Variants in ABHD2 observed in about 807,000 individuals in gnomAD.
The protein encoded by ABHD2 is monoacylglycerol lipase ABHD2.
ABHD2 carries 20 observed loss-of-function variants against 48.1 expected under a neutral mutation model. The observed-to-expected ratio is 0.42, with a 90% confidence interval of 0.29 to 0.60. The LOEUF is 0.60. ABHD2 is among the 20% of genes least tolerant of loss of function. ABHD2 has a pLI of 0.24. For missense variants in ABHD2, 405 were observed against 550.9 expected, an observed-to-expected ratio of 0.74 and a Z score of 2.65; for synonymous variants, 209 against 214.2, an observed-to-expected ratio of 0.98 and a Z score of 0.21.
chr15:89,109,417 C>T (rs577139646), intron 1 of ABHD2, among the ~76,000 whole-genome samples: 5 of 152,250 alleles, frequency 3.3e-5, no homozygotes, highest in Admixed American at 2.6e-4. Flanking sequence ...GAAGGGATTG[C>T]CACAGGGACA....
the ABHD2 span, among the ~76,000 whole-genome samples, chr15:89,042,880 C>G: frequency 6.6e-6 from 1 of 151,904 alleles, no homozygotes; most frequent in Non-Finnish European, 1.5e-5. Flanking sequence ...GTTGGCCAGG[C>G]TGGCCTCAAG....
At chr15:89,145,228 C>A (rs2050471369) in intron 3 of ABHD2, among the ~76,000 whole-genome samples, 1 of 152,224 alleles carries the variant, frequency 6.6e-6, no homozygotes, top group Non-Finnish European at 1.5e-5. Context: ...TGCACTCCAG[C>A]CTGGGCTACA....
Position 89,176,133 on chromosome 15 carries a change from C to T in ABHD2, c.722+138C>T, listed in dbSNP as rs2051009462. On this transcript the variant is annotated intron_variant, in intron 6 of 10. Transcript: ENST00000352732. This position sits in a 1 kb window ranked among gnomAD's most constrained non-coding sequence, Gnocchi z 4.5. ...TAGAAGTTTCTGAGTCTTGGACTCA[C>T]CTTGTTTTGTCTGCATATCATACAT... 2.1e-6 allele frequency: 2 copies of T among 938,586 alleles called. No individual in the cohort carries two copies. Among genetic ancestry groups the T allele is most frequent in the South Asian group, 2.0e-5 (1 of 48,880 alleles). The allele number at this position is 938,586 out of a possible 1,614,324, so 58.1% of individuals were successfully genotyped here. A position where few individuals can be genotyped will look rare whatever the true frequency, so the allele number is the denominator to read the frequency against.
At chr15:89,076,462 T>C in the ABHD2 span, among the ~76,000 whole-genome samples, 8 of 152,150 alleles carry the variant, frequency 5.3e-5, no homozygotes, top group Non-Finnish European at 7.4e-5. Context: ...TATTGTCTTT[T>C]ACAGTTTAAT....
At chr15:89,062,781 T>C in the ABHD2 span, among the ~76,000 whole-genome samples, 1 of 152,154 alleles carries the variant, frequency 6.6e-6, no homozygotes, top group Non-Finnish European at 1.5e-5. Flanking sequence ...TTTCAGAAGC[T>C]GTTCGATTAT....
At chr15:89,172,256 C>A (rs1353954542) in intron 5 of ABHD2, among the ~76,000 whole-genome samples, 3 of 152,110 alleles carry the variant, frequency 2.0e-5, no homozygotes, top group African/African-American at 7.2e-5. Flanking sequence ...TTTCATCTTG[C>A]AAAACTAAAA....
chr15:89,060,343 G>A, the ABHD2 span, among the ~76,000 whole-genome samples: 1 of 151,352 alleles, frequency 6.6e-6, no homozygotes, highest in African/African-American at 2.4e-5. Context: ...CACCCACCTC[G>A]GCCTCCTAAA....
At chr15:89,159,999 C>A (rs2050737890) in intron 5 of ABHD2, among the ~76,000 whole-genome samples, 1 of 152,134 alleles carries the variant, frequency 6.6e-6, no homozygotes, top group Non-Finnish European at 1.5e-5. Flanking sequence ...TTAAAAAGGT[C>A]AGAAATCCAG....
chr15:89,052,532 CAG>C, the ABHD2 span, among the ~76,000 whole-genome samples: 1 of 43,968 alleles, frequency 2.3e-5, no homozygotes, highest in African/African-American at 4.6e-5. Context: ...GACAGACAGA[CAG>C]ACAGACAGAC....
At position 89,161,518 on chromosome 15, in the gene ABHD2, A is replaced by G. The variant is rs763120779; in HGVS notation, c.538+5984A>G. 3.7e-4 allele frequency among the ~76,000 whole-genome samples: 57 copies of G among 152,136 alleles called. 2 individuals are homozygous for G. Among genetic ancestry groups the G allele is most frequent in the Non-Finnish European group, 7.4e-5 (5 of 68,016 alleles). ...CAGGTTCAAGTGATTCTCCTGCCTC[A>G]GCCTCCCTAGTAGCTGGGATTATAA... On this transcript the variant is annotated intron_variant, in intron 5 of 10. Coordinates refer to ENST00000352732, the MANE Select transcript of ABHD2 (RefSeq NM_152924.5).
chr15:89,059,554 A>G, the ABHD2 span, among the ~76,000 whole-genome samples: 4 of 147,962 alleles, frequency 2.7e-5, no homozygotes, highest in Non-Finnish European at 6.1e-5. Context: ...ATGAAAGGGG[A>G]AAAAAACCTC....
the ABHD2 span, among the ~76,000 whole-genome samples, chr15:89,080,008 G>T: frequency 6.6e-6 from 1 of 152,292 alleles, no homozygotes; most frequent in East Asian, 1.9e-4. Context: ...CAATCATAGG[G>T]CAGAAACTCC....
At chr15:89,077,307 G>A in the ABHD2 span, among the ~76,000 whole-genome samples, 4 of 152,152 alleles carry the variant, frequency 2.6e-5, no homozygotes, top group Non-Finnish European at 4.4e-5. Flanking sequence ...CATGCTTATC[G>A]TAATGATTTG....
intron 3 of ABHD2, among the ~76,000 whole-genome samples, chr15:89,132,431 T>C (rs1045519710): frequency 2.0e-5 from 3 of 152,242 alleles, no homozygotes; most frequent in Admixed American, 6.5e-5. Flanking sequence ...TCTATAAAAA[T>C]AGAGAATAAG....
At chr15:89,070,390 C>A in the ABHD2 span, among the ~76,000 whole-genome samples, 11 of 152,294 alleles carry the variant, frequency 7.2e-5, no homozygotes, top group African/African-American at 2.6e-4. Context: ...CACAAGCTAC[C>A]GTAGTATCCC....
intron 3 of ABHD2, among the ~76,000 whole-genome samples, chr15:89,141,132 CTAAT>C (rs535482186): frequency 1.1e-4 from 17 of 151,882 alleles, no homozygotes; most frequent in Admixed American, 2.6e-4. Flanking sequence ...CCACACCCAG[CTAAT>C]TAATTAATTA....
chr15:89,043,596 G>T, the ABHD2 span, among the ~76,000 whole-genome samples: 1 of 145,670 alleles, frequency 6.9e-6, no homozygotes, highest in East Asian at 2.1e-4. Flanking sequence ...GAAGAAGGAG[G>T]AGGAGAGGAG....
Position 89,201,835 on chromosome 15 carries a change from C to G in ABHD2, c.*6412C>G. The G allele has an allele frequency of 9.1e-7, 1 of 1,103,102 alleles. No individual in the cohort carries two copies. The highest frequency in any genetic ancestry group is 1.3e-6 in the Non-Finnish European group (1 of 752,054). The allele number at this position is 1,103,102 out of a possible 1,614,324, so 68.3% of individuals were successfully genotyped here. On this transcript the variant is annotated 3_prime_UTR_variant, in exon 11 of 11. Coordinates refer to ENST00000352732, the MANE Select transcript of ABHD2 (RefSeq NM_152924.5). ...ACAGCGCAGAGCAGGGGGCGGCTTGCTCGCTGGGGGCGGGGGACGATGGCG... is the reference window on the plus strand; with the variant it reads ...ACAGCGCAGAGCAGGGGGCGGCTTGGTCGCTGGGGGCGGGGGACGATGGCG...
At chr15:89,042,587 C>CTTATTTATTTATTTAT in the ABHD2 span, among the ~76,000 whole-genome samples, 4 of 142,010 alleles carry the variant, frequency 2.8e-5, no homozygotes, top group East Asian at 4.2e-4. Flanking sequence ...TTCTTTCTTT[C>CTTATTTATTTATTTAT]TTATTTATTT....
Sources: gnomAD v4.1 joint callset for allele counts (sites outside exome capture counted in the v4.1 genomes callset) on GRCh38, gnomAD v4.1.1 for gene constraint, Gnocchi (gnomAD v3.1) non-coding constraint, MANE v1.5 for transcripts, NCBI Gene and HGNC (gene_info 2026-07-23, HGNC 2026-07-21) for gene names.